Variants in RAD54L2 observed in about 807,000 individuals in gnomAD.
The protein encoded by RAD54L2 is helicase ARIP4.
A neutral mutation model predicts 138.4 loss-of-function variants in RAD54L2; 27 were observed. The ratio of observed to expected loss-of-function variants is 0.20; its 90% CI spans 0.14 to 0.27. RAD54L2 has a LOEUF of 0.27. RAD54L2 is among the 10% of genes least tolerant of loss of function. The pLI, the probability that RAD54L2 is intolerant of heterozygous loss-of-function variation, is 1.00. For missense variants in RAD54L2, 1,396 were observed against 1,890.2 expected (o/e 0.74, Z 4.85); for synonymous variants, 644 against 723.2 (o/e 0.89, Z 1.76).
chr3:51,560,093 A>C (rs1219271230), intron 2 of RAD54L2, among the ~76,000 whole-genome samples: 28 of 150,816 alleles, frequency 1.9e-4, no homozygotes, highest in African/African-American at 5.7e-4. Flanking sequence ...TGGTGCTGTT[A>C]AACCAGGTAT....
intron 2 of RAD54L2, among the ~76,000 whole-genome samples, chr3:51,562,303 C>T (rs963353928): frequency 4.6e-5 from 7 of 152,054 alleles, no homozygotes; most frequent in African/African-American, 1.7e-4. Context: ...GTGATCTCGG[C>T]TCACTGCCAC....
intron 2 of RAD54L2, among the ~76,000 whole-genome samples, chr3:51,580,785 G>A (rs1699588411): frequency 6.6e-6 from 1 of 152,196 alleles, no homozygotes; most frequent in South Asian, 2.1e-4. Context: ...ACTGTGAGAA[G>A]CAGAGCCAAA....
At chr3:51,660,981 T>C (rs1363953448) in intron 22 of RAD54L2, among the ~76,000 whole-genome samples, 1 of 151,294 alleles carries the variant, frequency 6.6e-6, no homozygotes, top group African/African-American at 2.4e-5. Flanking sequence ...TGAGACAGAG[T>C]CTCGTTCTGT....
rs910972545 is a variant in RAD54L2, at chr3:51,653,185, C to T, written c.3027-2786C>T. On this transcript the variant is annotated intron_variant, in intron 19 of 22. Transcript: ENST00000684192. Reference sequence around the variant, plus strand: ...CCAACAGACACATGAAAAAAATGTTCATCATCACTGGCCATCAGAGAAATG... The same window carrying T: ...CCAACAGACACATGAAAAAAATGTTTATCATCACTGGCCATCAGAGAAATG... Among the ~76,000 whole-genome samples, 5 of 152,300 alleles carry T rather than the reference C, an allele frequency of 3.3e-5. No individual in the cohort carries two copies. In the East Asian group the frequency reaches 9.6e-4, roughly 29 times the overall value.
chr3:51,560,351 T>A (rs993098042), intron 2 of RAD54L2, among the ~76,000 whole-genome samples: 2 of 150,058 alleles, frequency 1.3e-5, no homozygotes, highest in Admixed American at 7.0e-5. Context: ...CCAAATCATT[T>A]TCTTTTTTTT....
chr3:51,647,869 C>T (rs1701325988), intron 19 of RAD54L2, among the ~76,000 whole-genome samples: 1 of 152,126 alleles, frequency 6.6e-6, no homozygotes, highest in Non-Finnish European at 1.5e-5. Context: ...CTGCAGCTCC[C>T]ACTGTGATCG....
At chr3:51,655,028 C>A (rs775522428) in intron 19 of RAD54L2, among the ~76,000 whole-genome samples, 2 of 152,098 alleles carry the variant, frequency 1.3e-5, no homozygotes, top group Non-Finnish European at 2.9e-5. Context: ...AGGTCTGGGG[C>A]CCATCTGGGA....
intron 2 of RAD54L2, among the ~76,000 whole-genome samples, chr3:51,572,646 T>A (rs1699362073): frequency 6.6e-6 from 1 of 150,966 alleles, no homozygotes; most frequent in Admixed American, 6.6e-5. Flanking sequence ...TAAATCTTTT[T>A]TTTTTTTTTT....
intron 2 of RAD54L2, among the ~76,000 whole-genome samples, chr3:51,553,047 CTA>C (rs911472367): frequency 1.2e-4 from 18 of 152,076 alleles, no homozygotes; most frequent in Non-Finnish European, 7.4e-5. Context: ...AATTTTTTGA[CTA>C]TTAGGAATTT....
chr3:51,658,805 A>G (rs1701674230), intron 21 of RAD54L2, among the ~76,000 whole-genome samples: 1 of 152,086 alleles, frequency 6.6e-6, no homozygotes, highest in Non-Finnish European at 1.5e-5. Context: ...CTGTCTTCCT[A>G]GTTTATAGCT....
intron 10 of RAD54L2, among the ~76,000 whole-genome samples, chr3:51,636,168 T>C (rs940711782): frequency 2.0e-5 from 3 of 152,222 alleles, no homozygotes; most frequent in African/African-American, 7.2e-5. Flanking sequence ...AAAGTAGTAA[T>C]ACTATTGTTT....
At position 51,561,452 on chromosome 3, in the gene RAD54L2, C is replaced by T. The variant is rs528443817; in HGVS notation, c.-55+19802C>T. Reference sequence around the variant, plus strand: ...GTAGAGACGGGTTTCACCATGGTGGCCAGGCTGCTCTTGAACTCCTGACCT... The same window carrying T: ...GTAGAGACGGGTTTCACCATGGTGGTCAGGCTGCTCTTGAACTCCTGACCT... On this transcript the variant is annotated intron_variant, in intron 2 of 22. Transcript: ENST00000684192. Among the ~76,000 whole-genome samples the T allele has an allele frequency of 4.7e-4, 71 of 152,288 alleles. 1 individual carries two copies. The highest frequency in any genetic ancestry group is 3.4e-3 in the Middle Eastern group (1 of 294).
At chr3:51,640,141 T>G in intron 14 of RAD54L2, 142 bp downstream of exon 14, 1 of 614,038 alleles carries the variant, frequency 1.6e-6, no homozygotes. Context: ...CTCTTGGAGT[T>G]TCTTTCATTG....
At chr3:51,623,802 C>G (rs1200019213) in intron 3 of RAD54L2, among the ~76,000 whole-genome samples, 2 of 151,754 alleles carry the variant, frequency 1.3e-5, no homozygotes, top group Non-Finnish European at 2.9e-5. Context: ...GGTGAAACCC[C>G]ATCTCTACTA....
intron 2 of RAD54L2, among the ~76,000 whole-genome samples, chr3:51,550,658 C>T (rs1698811639): frequency 1.3e-5 from 2 of 152,082 alleles, no homozygotes; most frequent in African/African-American, 4.8e-5. Context: ...GGAGGATTGC[C>T]TGACCCTGGG....
intron 7 of RAD54L2, among the ~76,000 whole-genome samples, chr3:51,632,815 CG>C (rs1700883007): frequency 6.7e-6 from 1 of 149,634 alleles, no homozygotes; most frequent in South Asian, 2.1e-4. Context: ...TCACTTGAAC[CG>C]GGGAAATGGG....
At chr3:51,609,091 A>G (rs1454271055) in intron 3 of RAD54L2, among the ~76,000 whole-genome samples, 2 of 152,062 alleles carry the variant, frequency 1.3e-5, no homozygotes, top group African/African-American at 4.8e-5. Context: ...GGGTTTCACC[A>G]TGTTGGCTAG....
chr3:51,579,794 G>A (rs1031962641), intron 2 of RAD54L2, among the ~76,000 whole-genome samples: 3 of 152,124 alleles, frequency 2.0e-5, no homozygotes, highest in Non-Finnish European at 2.9e-5. Context: ...ACAGTTTACC[G>A]GTTGTGTTGA....
chr3:51,612,692 A>T (rs1473519355), intron 3 of RAD54L2, among the ~76,000 whole-genome samples: 1 of 3,800 alleles, frequency 2.6e-4, no homozygotes, highest in Non-Finnish European at 3.9e-4. Context: ...TCTTTGTTGT[A>T]AAAAAAAAAA....
Sources: allele counts gnomAD v4.1 joint callset (sites outside exome capture counted in the v4.1 genomes callset), GRCh38; gene constraint gnomAD v4.1.1; transcripts MANE v1.5; gene names NCBI Gene and HGNC (gene_info 2026-07-23, HGNC 2026-07-21).